Variants in ALPG observed in about 807,000 individuals in gnomAD.
ALPG encodes the protein alkaline phosphatase, germ cell type.
Under a neutral mutation model 48.6 loss-of-function variants are expected in ALPG, and 32 were observed. The observed-to-expected ratio is 0.66, with a 90% CI of 0.50 to 0.88. The LOEUF is 0.88. Ranked by LOEUF, ALPG falls within the 40% of genes least tolerant of loss-of-function variation. ALPG has a pLI of 0.00. For synonymous variants in ALPG, 244 were observed against 308.9 expected (o/e 0.79, Z 2.20); for missense variants, 533 against 718.1 (o/e 0.74, Z 2.95).
In ALPG at chr2:232,406,981, T is replaced by C. The variant is rs777917631; in HGVS notation, c.67+20T>C. On this transcript the variant is annotated intron_variant, in intron 1 of 10. Transcript: ENST00000295453. ...TCCCAGGTAATGAGGCTCCCCCAGC[T>C]GCCCCTACACACACACACACACACA... 6.3e-7 allele frequency: 1 copy of C among 1,584,222 alleles called. No homozygotes were observed. Among genetic ancestry groups the C allele is most frequent in the East Asian group, 2.3e-5 (1 of 43,796 alleles).
rs753994708 is a variant in ALPG, at chr2:232,407,359, C to T, written c.258C>T (p.Thr86=). The T allele has an allele frequency of 1.2e-6, 2 of 1,613,898 alleles. No homozygotes were observed. Among genetic ancestry groups the T allele is most frequent in the Admixed American group, 3.3e-5 (2 of 59,998 alleles). The change falls in exon 3 of 11, where the codon ACC becomes ACT. Residue 86 remains threonine, a synonymous_variant. Transcript: ENST00000295453. ...AGAAGGACAAACTGGGGCCTGAGAC[C>T]TTCCTGGCCATGGACCGCTTCCCGT... The part of the protein sequence containing the change: ...GQKKDKLGPE[T]FLAMDRFPYV...
Position 232,408,301 on chromosome 2 carries a change from C to G in ALPG, c.683C>G (p.Pro228Arg), listed in dbSNP as rs75920311. ...GGTGGAGGCCGAAAGTACATGTTTC[C>G]CATGGGGACCCCAGACCCTGAGTAC... ...ILGGGRKYMFPMGTPDPEYPD... is the reference protein window; with the variant it reads ...ILGGGRKYMFRMGTPDPEYPD... Residue 228 changes from proline (P) to arginine (R), a missense_variant, in exon 6 of 11, where the codon CCC (proline) becomes CGC (arginine). By Grantham distance (103) the Pro-to-Arg change is moderately radical. Around this residue, in one of 6 missense-constraint regions of ALPG, gnomAD observed 40 missense variants for 74.5 expected, o/e 0.54. Transcript: ENST00000295453. 104,670 of 1,551,900 alleles carry G rather than the reference C, an allele frequency of 0.067. 6,335 individuals carry two copies. Among genetic ancestry groups the G allele is most frequent in the African/African-American group, 0.16 (11,930 of 72,544 alleles).
chr2:232,407,313 C>T lies in ALPG; in HGVS notation c.212C>T (p.Ala71Val), dbSNP rs1315164564. ...DGMGVSTVTA[A>V]RILKGQKKDK... The stretch of plus-strand genomic sequence containing the variant: ...ATGGGGGTGTCTACGGTGACAGCTG[C>T]CAGGATCCTAAAAGGGCAGAAGAAG... The change falls in exon 3 of 11, where the codon GCC (alanine) becomes GTC (valine). Residue 71 changes from alanine to valine, a missense_variant. Transcript: ENST00000295453. 2 of 1,613,904 alleles carry T rather than the reference C, an allele frequency of 1.2e-6. No individual in the cohort carries two copies. Among genetic ancestry groups the T allele is most frequent in the South Asian group, 2.2e-5 (2 of 90,964 alleles).
Position 232,407,102 on chromosome 2 carries a change from C to A in ALPG, c.113C>A (p.Ala38Asp), listed in dbSNP as rs1697096533. ...TTCTGGAACCGCCAGGCAGCCGAGG[C>A]CCTGGGTGCCGCCAAGAAGCTGCAG... ...PDFWNRQAAE[A>D]LGAAKKLQPA... The change falls in exon 2 of 11, where the codon GCC becomes GAC. Residue 38 changes from alanine (A) to aspartate (D), a missense_variant. By Grantham distance (126) the Ala-to-Asp change is moderately radical. Coordinates refer to ENST00000295453, the MANE Select transcript of ALPG (RefSeq NM_031313.3). The A allele has an allele frequency of 1.2e-6, 2 of 1,613,944 alleles. No homozygotes were observed. The highest frequency in any genetic ancestry group is 8.5e-7 in the Non-Finnish European group (1 of 1,180,012).
At position 232,408,760 on chromosome 2, in the gene ALPG, C is replaced by A. The variant is rs758555218; in HGVS notation, c.913C>A (p.Pro305Thr). 4 of 1,215,262 alleles carry A rather than the reference C, an allele frequency of 3.3e-6. 1 individual carries two copies. The highest frequency in any genetic ancestry group is 4.5e-6 in the Non-Finnish European group (4 of 884,654). 75.3% of individuals were successfully genotyped at this position (1,215,262 alleles called of 1,614,324 possible). A position where few individuals can be genotyped will look rare whatever the true frequency, so the allele number is the denominator to read the frequency against. Residue 305 changes from proline to threonine, a missense_variant, in exon 8 of 11, where the codon CCC (proline) becomes ACC (threonine). Pro to Thr is a conservative substitution (Grantham distance 38). Around this residue, in one of 6 missense-constraint regions of ALPG, gnomAD observed 17 missense variants for 56.2 expected, o/e 0.30. Coordinates refer to ENST00000295453, the MANE Select transcript of ALPG (RefSeq NM_031313.3). ...YEIHRDSTLDPSLMEMTEAAL... is the reference protein window; with the variant it reads ...YEIHRDSTLDTSLMEMTEAAL... ...GATCCACCGAGACTCCACACTGGACCCCTCCCTGATGGAGATGACAGAGGC... is the reference window on the plus strand; with the variant it reads ...GATCCACCGAGACTCCACACTGGACACCTCCCTGATGGAGATGACAGAGGC...
Position 232,410,011 on chromosome 2 carries a change from C to G in ALPG, c.*139C>G. On this transcript the variant is annotated 3_prime_UTR_variant, in exon 11 of 11. Coordinates refer to ENST00000295453, the MANE Select transcript of ALPG (RefSeq NM_031313.3). ...ACGTCCTGCCATGGAACCTTCCCCT[C>G]CCGGTGCACCCTGGGGACCGAGCCC... The G allele has an allele frequency of 7.7e-7, 1 of 1,298,310 alleles. No homozygotes were observed. 80.4% of individuals were successfully genotyped at this position (1,298,310 alleles called of 1,614,324 possible).
Position 232,407,316 on chromosome 2 carries a change from G to A in ALPG, c.215G>A (p.Arg72Lys), listed in dbSNP as rs775533541. ...GGGGTGTCTACGGTGACAGCTGCCA[G>A]GATCCTAAAAGGGCAGAAGAAGGAC... Reference protein sequence around the residue: ...GMGVSTVTAARILKGQKKDKL... With the variant: ...GMGVSTVTAAKILKGQKKDKL... Residue 72 changes from arginine to lysine, a missense_variant, in exon 3 of 11, where the codon AGG becomes AAG. By Grantham distance (26) the Arg-to-Lys change is conservative (BLOSUM62 2). Around this residue, in one of 6 missense-constraint regions of ALPG, gnomAD observed 315 missense variants for 305.8 expected, o/e 1.03. Coordinates refer to ENST00000295453, the MANE Select transcript of ALPG (RefSeq NM_031313.3). The A allele has an allele frequency of 1.2e-6, 2 of 1,613,846 alleles. No individual in the cohort carries two copies. Among genetic ancestry groups the A allele is most frequent in the Non-Finnish European group, 1.7e-6 (2 of 1,180,006 alleles).
chr2:232,409,652 C>G lies in ALPG; in HGVS notation c.1379C>G (p.Ala460Gly). Reference sequence around the variant, plus strand: ...GCAGGCGAGGACGTGGCGGTGTTCGCGCGCGGCCCGCAGGCGCACCTGGTT... The same window carrying G: ...GCAGGCGAGGACGTGGCGGTGTTCGGGCGCGGCCCGCAGGCGCACCTGGTT... Reference protein sequence around the residue: ...THAGEDVAVFARGPQAHLVHG... With the variant: ...THAGEDVAVFGRGPQAHLVHG... The change falls in exon 11 of 11, where the codon GCG (alanine) becomes GGG (glycine). Residue 460 changes from alanine (A) to glycine (G), a missense_variant. Ala to Gly is a moderately conservative substitution (Grantham distance 60). Around this residue, in one of 6 missense-constraint regions of ALPG, gnomAD observed 145 missense variants for 174.3 expected, o/e 0.83. Coordinates refer to ENST00000295453, the MANE Select transcript of ALPG (RefSeq NM_031313.3). 6.2e-7 allele frequency: 1 copy of G among 1,611,854 alleles called. No homozygotes were observed. Among genetic ancestry groups the G allele is most frequent in the Non-Finnish European group, 8.5e-7 (1 of 1,179,386 alleles).
intron 4 of ALPG, 24 bp from the exon 5 acceptor site, chr2:232,407,821 T>C (rs1238255339): frequency 6.2e-7 from 1 of 1,613,506 alleles, no homozygotes. Context: ...CTCTATCGCA[T>C]ATCCTGACCT....
chr2:232,410,022 C>T lies in ALPG; in HGVS notation c.*150C>T, dbSNP rs1697162108. 4.6e-5 allele frequency: 57 copies of T among 1,243,992 alleles called. No individual in the cohort carries two copies. The highest frequency in any genetic ancestry group is 6.2e-5 in the Non-Finnish European group (57 of 926,064). 77.1% of individuals were successfully genotyped at this position (1,243,992 alleles called of 1,614,324 possible). ...TGGAACCTTCCCCTCCCGGTGCACCCTGGGGACCGAGCCCTTGACACCACG... is the reference window on the plus strand; with the variant it reads ...TGGAACCTTCCCCTCCCGGTGCACCTTGGGGACCGAGCCCTTGACACCACG... On this transcript the variant is annotated 3_prime_UTR_variant, in exon 11 of 11. Transcript: ENST00000295453.
Position 232,407,172 on chromosome 2 carries a change from C to G in ALPG, c.183C>G (p.Asp61Glu), listed in dbSNP as rs570989435. Residue 61 changes from aspartate to glutamate, a missense_variant and splice_region_variant, in exon 2 of 11, where the codon GAC becomes GAG. Physicochemically the swap from Asp to Glu is conservative, Grantham distance 45. Coordinates refer to ENST00000295453, the MANE Select transcript of ALPG (RefSeq NM_031313.3). ...AGAACCTCATCATCTTCCTGGGTGA[C>G]GGTGAGTGAGCCAGGCCTTCCAGCC... ...AAKNLIIFLG[D>E]GMGVSTVTAA... The G allele has an allele frequency of 6.2e-7, 1 of 1,613,658 alleles. No homozygotes were observed. The highest frequency in any genetic ancestry group is 8.5e-7 in the Non-Finnish European group (1 of 1,180,016).
rs139491713 is a variant in ALPG at position 232,407,700 on chromosome 2, G to A, written c.407G>A (p.Arg136His). 11 of 1,613,624 alleles carry A rather than the reference G, an allele frequency of 6.8e-6. No homozygotes were observed. In the East Asian group the frequency reaches 8.9e-5, roughly 13 times the overall value. Reference protein sequence around the residue: ...FQTIGLSAAARFNQCNTTRGN... With the variant: ...FQTIGLSAAAHFNQCNTTRGN... ...ACCATTGGCTTGAGTGCAGCCGCCC[G>A]CTTTAACCAGTGCAACACGACACGC... The change falls in exon 4 of 11, where the codon CGC (arginine) becomes CAC (histidine). Residue 136 changes from arginine to histidine, a missense_variant. Around this residue, in one of 6 missense-constraint regions of ALPG, gnomAD observed 315 missense variants for 305.8 expected, o/e 1.03. Coordinates refer to ENST00000295453, the MANE Select transcript of ALPG (RefSeq NM_031313.3).
In ALPG at chr2:232,408,502, G is replaced by A; in HGVS notation, c.785G>A (p.Gly262Asp). Residue 262 changes from glycine to aspartate, a missense_variant and splice_region_variant, in exon 7 of 11, where the codon GGT (glycine) becomes GAT (aspartate). Physicochemically the swap from Gly to Asp is moderately conservative, Grantham distance 94. Transcript: ENST00000295453. ...GCCTGGCTCTCTCCCTCCCCGCAGGGTGCCCGGTACGTGTGGAACCGCACT... is the reference window on the plus strand; with the variant it reads ...GCCTGGCTCTCTCCCTCCCCGCAGGATGCCCGGTACGTGTGGAACCGCACT... ...LVQEWLAKHQ[G>D]ARYVWNRTEL... 6.3e-7 allele frequency: 1 copy of A among 1,595,266 alleles called. No individual in the cohort carries two copies. The highest frequency in any genetic ancestry group is 2.2e-5 in the East Asian group (1 of 44,732).
At position 232,408,020 on chromosome 2, in the gene ALPG, G is replaced by A. The variant is rs775552786; in HGVS notation, c.648+3G>A. On this transcript the variant is annotated splice_donor_region_variant and intron_variant, in intron 5 of 10. Transcript: ENST00000295453. ...TCATCTCCAACATGGACATTGATGT[G>A]CGACCCCCGGGCCAAGGGCTGGGGC... 8 of 1,607,126 alleles carry A rather than the reference G, an allele frequency of 5.0e-6. No homozygotes were observed. Among genetic ancestry groups the A allele is most frequent in the Middle Eastern group, 1.7e-4 (1 of 5,908 alleles).
rs759602594 is a variant in ALPG, at chr2:232,408,273, C to G, written c.655C>G (p.Leu219Val). ...LISNMDIDVI[L>V]GGGRKYMFPM... ...CCCCATCCTCTGTTCCCAGGTGATC[C>G]TAGGTGGAGGCCGAAAGTACATGTT... Residue 219 changes from leucine to valine, a missense_variant, in exon 6 of 11, where the codon CTA (leucine) becomes GTA (valine). Physicochemically the swap from Leu to Val is conservative, Grantham distance 32. Around this residue, in one of 6 missense-constraint regions of ALPG, gnomAD observed 315 missense variants for 305.8 expected, o/e 1.03. Coordinates refer to ENST00000295453, the MANE Select transcript of ALPG (RefSeq NM_031313.3). The G allele has an allele frequency of 3.4e-5, 55 of 1,613,498 alleles. No individual in the cohort carries two copies. Among genetic ancestry groups the G allele is most frequent in the Non-Finnish European group, 4.6e-5 (54 of 1,179,810 alleles).
At position 232,409,316 on chromosome 2, in the gene ALPG, A is replaced by T. The variant is rs1489806508; in HGVS notation, c.1184-16A>T. The T allele has an allele frequency of 1.0e-5, 14 of 1,371,992 alleles. No individual in the cohort carries two copies. Among genetic ancestry groups the T allele is most frequent in the Non-Finnish European group, 1.4e-5 (14 of 967,758 alleles). 85.0% of individuals were successfully genotyped at this position (1,371,992 alleles called of 1,614,324 possible). A position where few individuals can be genotyped will look rare whatever the true frequency, so the allele number is the denominator to read the frequency against. ...AGCTGTGTTCAGCTCAACCACAGGGACCCCTCTCTCTGCAGGGCTGGCCCC... is the reference window on the plus strand; with the variant it reads ...AGCTGTGTTCAGCTCAACCACAGGGTCCCCTCTCTCTGCAGGGCTGGCCCC... On this transcript the variant is annotated splice_polypyrimidine_tract_variant and intron_variant, in intron 9 of 10. Transcript: ENST00000295453.
intron 10 of ALPG, 37 bp from the exon 11 acceptor site, chr2:232,409,537 A>C: frequency 2.7e-5 from 43 of 1,611,976 alleles, no homozygotes; most frequent in Non-Finnish European, 3.6e-5. Flanking sequence ...TCTGCCTGGA[A>C]CTGAAACTTC....
chr2:232,406,874 G>C lies in ALPG; in HGVS notation c.-21G>C. On this transcript the variant is annotated 5_prime_UTR_variant, in exon 1 of 11. Coordinates refer to ENST00000295453, the MANE Select transcript of ALPG (RefSeq NM_031313.3). ...CCATACCTGGGATTTCCGCCTCGCC[G>C]CTCTCCGACTGCTTCCAGACATGCA... 1 of 1,603,572 alleles carries C rather than the reference G, an allele frequency of 6.2e-7. No homozygotes were observed. The highest frequency in any genetic ancestry group is 8.5e-7 in the Non-Finnish European group (1 of 1,175,862).
In ALPG at chr2:232,407,092, G is replaced by A; in HGVS notation, c.103G>A (p.Ala35Thr). Reference sequence around the variant, plus strand: ...GAACCCGGACTTCTGGAACCGCCAGGCAGCCGAGGCCCTGGGTGCCGCCAA... The same window carrying A: ...GAACCCGGACTTCTGGAACCGCCAGACAGCCGAGGCCCTGGGTGCCGCCAA... The part of the protein sequence containing the change: ...EENPDFWNRQ[A>T]AEALGAAKKL... The change falls in exon 2 of 11, where the codon GCA becomes ACA. Residue 35 changes from alanine to threonine, a missense_variant. Physicochemically the swap from Ala to Thr is moderately conservative, Grantham distance 58. Around this residue, in one of 6 missense-constraint regions of ALPG, gnomAD observed 315 missense variants for 305.8 expected, o/e 1.03. Transcript: ENST00000295453. The A allele has an allele frequency of 6.2e-7, 1 of 1,613,836 alleles. No homozygotes were observed. The highest frequency in any genetic ancestry group is 1.7e-4 in the Middle Eastern group (1 of 6,044).
Sources: gnomAD v4.1 joint callset for allele counts on GRCh38, gnomAD v4.1.1 for gene constraint, gnomAD v4.1.1 regional missense constraint, MANE v1.5 for transcripts, NCBI Gene and HGNC (gene_info 2026-07-23, HGNC 2026-07-21) for gene names.